KIAA1549: variants seen among roughly 807,000 people sequenced by gnomAD.
KIAA1549 encodes KIAA1549.
Under a neutral mutation model 156.4 loss-of-function variants are expected in KIAA1549, and 70 were observed. The ratio of observed to expected loss-of-function variants is 0.45; its 90% CI spans 0.37 to 0.55. The LOEUF (loss-of-function observed/expected upper bound fraction) is 0.55. KIAA1549 is among the 20% of genes least tolerant of loss of function. The pLI, the probability that KIAA1549 is intolerant of heterozygous loss-of-function variation, is 0.00. For synonymous variants in KIAA1549, 1,103 were observed against 1,066.4 expected, an observed-to-expected ratio of 1.03 and a Z score of -0.67; for missense variants, 2,428 against 2,540.9, an observed-to-expected ratio of 0.96 and a Z score of 0.96.
intron 2 of KIAA1549, among the ~76,000 whole-genome samples, chr7:138,913,544 ATT>A (rs917444821): frequency 4.6e-5 from 7 of 152,152 alleles, no homozygotes; most frequent in Admixed American, 2.6e-4. Flanking sequence ...TGATATTATC[ATT>A]GTTTTCCATT....
intron 5 of KIAA1549, 96 bp downstream of exon 5, chr7:138,908,895 T>TGGAGG: frequency 6.8e-7 from 1 of 1,478,200 alleles, no homozygotes; most frequent in East Asian, 2.3e-5. Context: ...TTTCCGCCAC[T>TGGAGG]GGAGGGAATA....
chr7:138,903,160 A>G lies in KIAA1549; in HGVS notation c.3669+428T>C, dbSNP rs1226172759. On this transcript the variant is annotated intron_variant, in intron 8 of 19. Transcript: ENST00000422774. ...AAGATGAAATGCTCAAGCAGAGGGCAGCACGTCTCCCTCTATCTGCTCTCC... is the reference window on the plus strand; with the variant it reads ...AAGATGAAATGCTCAAGCAGAGGGCGGCACGTCTCCCTCTATCTGCTCTCC... Among the ~76,000 whole-genome samples the G allele has an allele frequency of 3.3e-5, 5 of 152,220 alleles. No homozygotes were observed. In the East Asian group the frequency reaches 9.6e-4, roughly 29 times the overall value.
At chr7:138,901,402 T>G (rs1037155692) in intron 8 of KIAA1549, among the ~76,000 whole-genome samples, 1 of 151,574 alleles carries the variant, frequency 6.6e-6, no homozygotes, top group South Asian at 2.1e-4. Context: ...CTTAGCTCAC[T>G]GAAACCTCCA....
intron 1 of KIAA1549, among the ~76,000 whole-genome samples, chr7:138,941,856 G>A (rs1427135328): frequency 6.6e-6 from 1 of 152,084 alleles, no homozygotes. Context: ...AGTAAGATGA[G>A]GGAGCCTAAA....
At chr7:138,943,566 C>T (rs1295849422) in intron 1 of KIAA1549, among the ~76,000 whole-genome samples, 3 of 152,124 alleles carry the variant, frequency 2.0e-5, no homozygotes, top group Non-Finnish European at 4.4e-5. Context: ...AATGCATTAC[C>T]TCGCCAGGCG....
intron 1 of KIAA1549, among the ~76,000 whole-genome samples, chr7:138,957,350 C>T (rs760329174): frequency 1.2e-4 from 18 of 152,102 alleles, no homozygotes; most frequent in South Asian, 2.1e-4. Context: ...GGAACTGAGC[C>T]GAGGGCCCAG....
At chr7:138,934,823 C>A (rs1405088191) in intron 1 of KIAA1549, among the ~76,000 whole-genome samples, 1 of 152,144 alleles carries the variant, frequency 6.6e-6, no homozygotes, top group African/African-American at 2.4e-5. Flanking sequence ...AAAGGGGAGC[C>A]CCCAAATGAT....
chr7:138,923,670 T>A (rs1812627945), intron 1 of KIAA1549, among the ~76,000 whole-genome samples: 1 of 152,074 alleles, frequency 6.6e-6, no homozygotes, highest in African/African-American at 2.4e-5. Context: ...TGAACAGTAA[T>A]ACTCCTATGT....
chr7:138,868,195 A>G (rs1810811148), intron 14 of KIAA1549, 67 bp from the exon 15 acceptor site: 1 of 1,474,456 alleles, frequency 6.8e-7, no homozygotes, highest in African/African-American at 1.4e-5. Flanking sequence ...TACCAACTAA[A>G]CACTAAGTAC....
At chr7:138,955,280 T>C (rs1216653973) in intron 1 of KIAA1549, among the ~76,000 whole-genome samples, 2 of 152,146 alleles carry the variant, frequency 1.3e-5, no homozygotes, top group Non-Finnish European at 2.9e-5. Flanking sequence ...CGGTGGCACA[T>C]ACACACAATG....
rs770202390 is a variant in KIAA1549, at chr7:138,918,080, C to G, written c.1546G>C (p.Val516Leu). 2 of 1,613,604 alleles carry G rather than the reference C, an allele frequency of 1.2e-6. No homozygotes were observed. Among genetic ancestry groups the G allele is most frequent in the African/African-American group, 2.7e-5 (2 of 74,926 alleles). Residue 516 changes from valine (V) to leucine (L), a missense_variant, in exon 2 of 20, where the codon GTT (valine) becomes CTT (leucine). Val to Leu is a conservative substitution (Grantham distance 32, BLOSUM62 1). Transcript: ENST00000422774. The surrounding 1 kb of genome is among the most constrained non-coding windows in gnomAD (Gnocchi z 4.2). ...GCAGGGGGAACCTGTGTGGTTGTAA[C>G]ACTACTCATATCCACCTCGGCAGAA... ...GISAEVDMSS[V>L]TTTQVPPAHG... is the part of the protein sequence containing the mutation.
chr7:138,929,713 A>G (rs1812818698), intron 1 of KIAA1549, among the ~76,000 whole-genome samples: 1 of 152,166 alleles, frequency 6.6e-6, no homozygotes, highest in South Asian at 2.1e-4. Context: ...TTTTTAAGAC[A>G]GTGCCTTGCT....
At chr7:138,845,134 A>C (rs1394889125) in intron 17 of KIAA1549, among the ~76,000 whole-genome samples, 2 of 152,190 alleles carry the variant, frequency 1.3e-5, no homozygotes, top group Non-Finnish European at 2.9e-5. Context: ...TTACCAGATT[A>C]GAAATTAAAA....
At chr7:138,890,106 A>G (rs1293314515) in intron 10 of KIAA1549, among the ~76,000 whole-genome samples, 1 of 152,218 alleles carries the variant, frequency 6.6e-6, no homozygotes, top group African/African-American at 2.4e-5. Flanking sequence ...TCTCTTTAAC[A>G]TATCACAGAG....
intron 1 of KIAA1549, among the ~76,000 whole-genome samples, chr7:138,958,319 C>G (rs1813731800): frequency 6.6e-6 from 1 of 152,206 alleles, no homozygotes; most frequent in East Asian, 1.9e-4. Flanking sequence ...CTCATTCTCT[C>G]CTGACCAAGG....
At chr7:138,849,689 T>C (rs1810182156) in intron 17 of KIAA1549, among the ~76,000 whole-genome samples, 1 of 152,108 alleles carries the variant, frequency 6.6e-6, no homozygotes. Flanking sequence ...ACCCAATAGT[T>C]ATTTTTTCTG....
At chr7:138,851,235 G>C (rs1810223111) in intron 17 of KIAA1549, among the ~76,000 whole-genome samples, 1 of 152,056 alleles carries the variant, frequency 6.6e-6, no homozygotes, top group African/African-American at 2.4e-5. Flanking sequence ...TGCATGTCCT[G>C]TAAATTCTAA....
At chr7:138,930,008 G>C (rs74922485) in intron 1 of KIAA1549, among the ~76,000 whole-genome samples, 1 of 152,194 alleles carries the variant, frequency 6.6e-6, no homozygotes, top group South Asian at 2.1e-4. Context: ...AGTAAGACTT[G>C]AAAGTCAAAA....
intron 1 of KIAA1549, among the ~76,000 whole-genome samples, chr7:138,971,964 G>A (rs1351936039): frequency 1.3e-5 from 2 of 152,170 alleles, no homozygotes; most frequent in Non-Finnish European, 2.9e-5. Flanking sequence ...TTCCTAGCAG[G>A]CCCTTCCTGC....
Sources: gnomAD v4.1 joint callset for allele counts (sites outside exome capture counted in the v4.1 genomes callset) on GRCh38, gnomAD v4.1.1 for gene constraint, Gnocchi (gnomAD v3.1) non-coding constraint, MANE v1.5 for transcripts, NCBI Gene and HGNC (gene_info 2026-07-23, HGNC 2026-07-21) for gene names.